The following MLKL variants were observed in gnomAD, a reference collection of about 807,000 sequenced individuals.
MLKL encodes the protein mixed lineage kinase domain like pseudokinase, also known as mixed lineage kinase domain-like protein.
A neutral mutation model predicts 56.5 loss-of-function variants in MLKL; 55 were observed. That is an observed-to-expected ratio of 0.97 (90% CI 0.78 to 1.22). The LOEUF (loss-of-function observed/expected upper bound fraction) is 1.22. Ranked by LOEUF, MLKL falls within the 50% of genes most tolerant of loss-of-function variation. MLKL has a pLI of 0.00. For synonymous variants in MLKL, 251 were observed against 208.3 expected (o/e 1.20, Z -1.76); for missense variants, 694 against 573.9 (o/e 1.21, Z -2.14).
At chr16:74,685,337 G>T in intron 5 of MLKL, 149 bp downstream of exon 5, 3 of 650,834 alleles carry the variant, frequency 4.6e-6, no homozygotes, top group Non-Finnish European at 7.9e-6. Flanking sequence ...TGCATCTTGG[G>T]ATGAAAAAAA....
chr16:74,697,734 G>A lies in MLKL; in HGVS notation c.-2-1975C>T, dbSNP rs368099609. 4.6e-5 allele frequency among the ~76,000 whole-genome samples: 7 copies of A among 151,808 alleles called. 1 individual carries two copies. The highest frequency in any genetic ancestry group is 2.1e-4 in the South Asian group (1 of 4,788). ...CTCAGGAGGCTGAGGCGGGAGAATC[G>A]CTTGAGCCTGGGAGGTTGAGGCTGC... is the stretch of plus-strand genomic sequence containing the variant. On this transcript the variant is annotated intron_variant, in intron 1 of 10. Transcript: ENST00000308807.
At position 74,685,587 on chromosome 16, in the gene MLKL, T is replaced by C; in HGVS notation, c.723-4A>G. ...ATTGAAAGTCTGCCTCACTATTCTATAAGGATTAAAGAGAGAAATCAGGAT... is the reference window on the plus strand; with the variant it reads ...ATTGAAAGTCTGCCTCACTATTCTACAAGGATTAAAGAGAGAAATCAGGAT... On this transcript the variant is annotated splice_region_variant and splice_polypyrimidine_tract_variant and intron_variant, in intron 4 of 10. Coordinates refer to ENST00000308807, the MANE Select transcript of MLKL (RefSeq NM_152649.4). 1 of 1,608,940 alleles carries C rather than the reference T, an allele frequency of 6.2e-7. No homozygotes were observed. The highest frequency in any genetic ancestry group is 8.5e-7 in the Non-Finnish European group (1 of 1,175,458).
intron 4 of MLKL, among the ~76,000 whole-genome samples, chr16:74,687,544 C>A (rs1044341537): frequency 2.0e-5 from 3 of 152,176 alleles, no homozygotes; most frequent in African/African-American, 7.2e-5. Flanking sequence ...TTATACTTCT[C>A]AATTTCAAAA....
At chr16:74,674,854 C>A in intron 10 of MLKL, 106 bp downstream of exon 10, 1 of 1,388,572 alleles carries the variant, frequency 7.2e-7, no homozygotes, top group Admixed American at 2.2e-5. Flanking sequence ...CCGGATAAAA[C>A]CACCCCTCGT....
At chr16:74,676,717 T>C (rs551967100) in intron 7 of MLKL, 2 of 152,882 alleles carry the variant, frequency 1.3e-5, no homozygotes, top group African/African-American at 4.8e-5. Flanking sequence ...GGGCTGTCTC[T>C]GACACTCGTA....
chr16:74,675,976 T>A (rs1262509738), intron 7 of MLKL: 10 of 579,536 alleles, frequency 1.7e-5, no homozygotes, highest in African/African-American at 9.4e-5. Context: ...CACAAAGAGA[T>A]TTCTTCTGTA....
rs1291907924 is a variant in MLKL, at chr16:74,682,613, C to T, written c.956+38G>A. Reference sequence around the variant, plus strand: ...GGAGTATCAGGAGTGTGGACAGACCCATCCAACCCTTAGTGGCGCCTTTTC... The same window carrying T: ...GGAGTATCAGGAGTGTGGACAGACCTATCCAACCCTTAGTGGCGCCTTTTC... On this transcript the variant is annotated intron_variant, in intron 6 of 10. Transcript: ENST00000308807. 4 of 1,610,694 alleles carry T rather than the reference C, an allele frequency of 2.5e-6. No homozygotes were observed. In the East Asian group the frequency reaches 6.7e-5, roughly 27 times the overall value.
At chr16:74,684,498 T>C (rs1242751154) in intron 5 of MLKL, among the ~76,000 whole-genome samples, 1 of 151,438 alleles carries the variant, frequency 6.6e-6, no homozygotes, top group African/African-American at 2.4e-5. Flanking sequence ...TAATGGTTTT[T>C]TTTTTTGTTT....
rs1208442171 is a variant in MLKL, at chr16:74,692,321, GC to G, written c.535+20del. 1 of 1,606,376 alleles carries G rather than the reference GC, an allele frequency of 6.2e-7. No individual in the cohort carries two copies. The highest frequency in any genetic ancestry group is 1.7e-5 in the Admixed American group (1 of 59,480). On this transcript the variant is annotated intron_variant, in intron 3 of 10. Coordinates refer to ENST00000308807, the MANE Select transcript of MLKL (RefSeq NM_152649.4). ...TCTAGTTTGGGGGCCATCAGAAACA[GC>G]AGGGCACATGATAACTTACACTGCC...
chr16:74,684,072 C>T (rs1444067096), intron 5 of MLKL, among the ~76,000 whole-genome samples: 3 of 151,876 alleles, frequency 2.0e-5, no homozygotes, highest in Non-Finnish European at 2.9e-5. Flanking sequence ...CTCAGCCTCC[C>T]GAGTAGCTGG....
intron 1 of MLKL, among the ~76,000 whole-genome samples, chr16:74,699,005 C>T (rs1386733019): frequency 2.6e-5 from 4 of 151,780 alleles, no homozygotes; most frequent in Non-Finnish European, 5.9e-5. Context: ...CCCAGCTACT[C>T]GGGAGGCTGA....
At chr16:74,692,455 T>C (rs1035099989) in intron 2 of MLKL, 39 bp from the exon 3 acceptor site, 7 of 1,521,714 alleles carry the variant, frequency 4.6e-6, no homozygotes, top group African/African-American at 1.4e-5. Context: ...AAAATAGATA[T>C]TAAAATCACA....
At chr16:74,689,271 T>C (rs532194684) in intron 4 of MLKL, among the ~76,000 whole-genome samples, 59 of 152,134 alleles carry the variant, frequency 3.9e-4, no homozygotes, top group Non-Finnish European at 6.9e-4. Context: ...CATGCCACCA[T>C]GCCCAGCTAA....
chr16:74,672,635 C>G (rs939621326), intron 10 of MLKL, 97 bp from the exon 11 acceptor site: 46 of 1,114,774 alleles, frequency 4.1e-5, no homozygotes, highest in Non-Finnish European at 5.4e-6. Context: ...CATTTAGAAA[C>G]TGCATTCCCC....
intron 5 of MLKL, 34 bp downstream of exon 5, chr16:74,685,452 C>T: frequency 6.5e-6 from 10 of 1,538,030 alleles, no homozygotes; most frequent in Non-Finnish European, 9.0e-6. Context: ...TCTAGGCCAT[C>T]CAAAGCTTGA....
At chr16:74,682,544 G>A (rs1960039697) in intron 6 of MLKL, 107 bp downstream of exon 6, 1 of 1,450,186 alleles carries the variant, frequency 6.9e-7, no homozygotes, top group African/African-American at 1.4e-5. Context: ...GTGTATGGGA[G>A]GGAGACTGTC....
chr16:74,677,326 TA>T (rs1378661977), intron 7 of MLKL: 1 of 152,992 alleles, frequency 6.5e-6, no homozygotes, highest in Admixed American at 6.5e-5. Context: ...GTGCTGGGAT[TA>T]CAGGTGTGAG....
At chr16:74,690,229 T>C (rs1196434904) in intron 4 of MLKL, among the ~76,000 whole-genome samples, 2 of 152,246 alleles carry the variant, frequency 1.3e-5, no homozygotes, top group African/African-American at 4.8e-5. Flanking sequence ...TTGATCACTT[T>C]ATAACTATAA....
In MLKL at chr16:74,673,656, G is replaced by A. The variant is rs184510139; in HGVS notation, c.1382-1118C>T. Among the ~76,000 whole-genome samples, 4 of 152,142 alleles carry A rather than the reference G, an allele frequency of 2.6e-5. No homozygotes were observed. The East Asian group carries it at 5.8e-4, about 22-fold the overall frequency. The stretch of plus-strand genomic sequence containing the variant: ...TGATGACATGGTGAGATAAAAGTCT[G>A]CATCGAGGAAATAATCCCAAGGATG... On this transcript the variant is annotated intron_variant, in intron 10 of 10. Transcript: ENST00000308807.
Sources: allele counts gnomAD v4.1 joint callset (sites outside exome capture counted in the v4.1 genomes callset), GRCh38; gene constraint gnomAD v4.1.1; transcripts MANE v1.5; gene names NCBI Gene and HGNC (gene_info 2026-07-23, HGNC 2026-07-21).